Variants in AMACR observed in about 807,000 individuals in gnomAD.
The protein encoded by AMACR is 2-methylacyl-CoA racemase.
Under a neutral mutation model 22.2 loss-of-function variants are expected in AMACR, and 18 were observed. The ratio of observed to expected loss-of-function variants is 0.81; its 90% CI spans 0.56 to 1.20. AMACR has a LOEUF of 1.20. Ranked by LOEUF, AMACR falls within the 50% of genes most tolerant of loss-of-function variation. The probability of loss-of-function intolerance (pLI) is 0.00; values close to 1 mark genes in which losing one functional copy is unlikely to be tolerated. For missense variants in AMACR, 499 were observed against 490.6 expected (o/e 1.02, Z -0.16); for synonymous variants, 213 against 191.3 (o/e 1.11, Z -0.94).
intron 4 of AMACR, among the ~76,000 whole-genome samples, chr5:33,990,682 T>C (rs1440896491): frequency 6.6e-6 from 1 of 152,256 alleles, no homozygotes. Flanking sequence ...TGAATAATCC[T>C]CACTTATAGA....
chr5:33,989,174 T>G lies in AMACR; in HGVS notation c.1068A>C (p.Glu356Asp). 1 of 1,614,234 alleles carries G rather than the reference T, an allele frequency of 6.2e-7. No homozygotes were observed. The highest frequency in any genetic ancestry group is 1.1e-5 in the South Asian group (1 of 91,086). Residue 356 changes from glutamate (E) to aspartate (D), a missense_variant, in exon 5 of 5, where the codon GAA becomes GAC. By Grantham distance (45) the Glu-to-Asp change is conservative. Transcript: ENST00000335606. The part of the protein sequence containing the change: ...IGEHTEEILE[E>D]FGFSREEIYQ... ...AAATCTCTTCGCGGCTGAATCCAAATTCTTCAAGTATCTCCTCAGTGTGTT... is the reference window on the plus strand; with the variant it reads ...AAATCTCTTCGCGGCTGAATCCAAAGTCTTCAAGTATCTCCTCAGTGTGTT...
At chr5:33,997,240 T>C (rs1450582493) in intron 4 of AMACR, 2 of 770,094 alleles carry the variant, frequency 2.6e-6, no homozygotes, top group Non-Finnish European at 4.8e-6. Flanking sequence ...ATTAGCTTCT[T>C]GATCCTTTCT....
Position 33,988,935 on chromosome 5 carries a change from C to A in AMACR, c.*158G>T. 1 of 1,447,930 alleles carries A rather than the reference C, an allele frequency of 6.9e-7. No homozygotes were observed. The highest frequency in any genetic ancestry group is 9.0e-7 in the Non-Finnish European group (1 of 1,106,386). 89.7% of individuals were successfully genotyped at this position (1,447,930 alleles called of 1,614,324 possible). ...CCTAATGATAACCATTTTTAGAATT[C>A]AATCATCACTGTAGAATCAGAGTCT... On this transcript the variant is annotated 3_prime_UTR_variant, in exon 5 of 5. Transcript: ENST00000335606.
Position 33,989,189 on chromosome 5 carries a change from C to T in AMACR, c.1053G>A (p.Glu351=). 6 of 1,614,178 alleles carry T rather than the reference C, an allele frequency of 3.7e-6. No individual in the cohort carries two copies. The highest frequency in any genetic ancestry group is 5.1e-6 in the Non-Finnish European group (6 of 1,180,032). The change falls in exon 5 of 5, where the codon GAG becomes GAA. Residue 351 remains glutamate (E), a synonymous_variant. Coordinates refer to ENST00000335606, the MANE Select transcript of AMACR (RefSeq NM_014324.6). ...KRDPFIGEHT[E]EILEEFGFSR... Reference sequence around the variant, plus strand: ...TGAATCCAAATTCTTCAAGTATCTCCTCAGTGTGTTCTCCTATGAAAGGAT... The same window carrying T: ...TGAATCCAAATTCTTCAAGTATCTCTTCAGTGTGTTCTCCTATGAAAGGAT...
At position 33,988,732 on chromosome 5, in the gene AMACR, T is replaced by A; in HGVS notation, c.*361A>T. 1 of 1,200,560 alleles carries A rather than the reference T, an allele frequency of 8.3e-7. No individual in the cohort carries two copies. Among genetic ancestry groups the A allele is most frequent in the South Asian group, 2.2e-5 (1 of 45,074 alleles). The allele number at this position is 1,200,560 out of a possible 1,614,324, so 74.4% of individuals were successfully genotyped here. ...TTTCCTCATTTTCTACATTGTAGAA[T>A]CAAGAGTGTAAATAAATGTATATCG... On this transcript the variant is annotated 3_prime_UTR_variant, in exon 5 of 5. Transcript: ENST00000335606.
rs759253616 is a variant in AMACR at position 33,993,735 on chromosome 5, C to T, written c.740-4233G>A. 2.6e-5 allele frequency among the ~76,000 whole-genome samples: 4 copies of T among 152,166 alleles called. No individual in the cohort carries two copies. The South Asian group carries it at 6.2e-4, about 24-fold the overall frequency. ...TCAACATGGTGAAACTCCGTCTCTA[C>T]TAAAAATACAAAAATTAGCCGGGCG... On this transcript the variant is annotated intron_variant, in intron 4 of 4. Transcript: ENST00000335606.
intron 3 of AMACR, among the ~76,000 whole-genome samples, chr5:34,001,455 C>T (rs1186972673): frequency 1.3e-5 from 2 of 152,188 alleles, no homozygotes; most frequent in East Asian, 1.9e-4. Context: ...AGTTGAAGTA[C>T]GGCTGCTGTG....
At chr5:33,996,930 A>G in intron 4 of AMACR, 4 of 431,582 alleles carry the variant, frequency 9.3e-6, no homozygotes, top group South Asian at 5.2e-5. Flanking sequence ...AACAATAACA[A>G]GCCCAGGACT....
In AMACR at chr5:34,005,319, T is replaced by C. The variant is rs1342554658; in HGVS notation, c.391+437A>G. Among the ~76,000 whole-genome samples, 3 of 151,714 alleles carry C rather than the reference T, an allele frequency of 2.0e-5. No individual in the cohort carries two copies. The East Asian group carries it at 5.8e-4, about 29-fold the overall frequency. On this transcript the variant is annotated intron_variant, in intron 2 of 4. Coordinates refer to ENST00000335606, the MANE Select transcript of AMACR (RefSeq NM_014324.6). Reference sequence around the variant, plus strand: ...CCTGAAAACCATGGGCTTTTTTTAGTGCTCATAGAAGTCTGAAACAATGAC... The same window carrying C: ...CCTGAAAACCATGGGCTTTTTTTAGCGCTCATAGAAGTCTGAAACAATGAC...
chr5:33,997,722 T>C, intron 4 of AMACR: 3 of 585,116 alleles, frequency 5.1e-6, no homozygotes, highest in Non-Finnish European at 9.2e-6. Flanking sequence ...AACCATTGTG[T>C]TCTTCTATAG....
Position 34,005,917 on chromosome 5 carries a change from G to C in AMACR, c.248-18C>G, listed in dbSNP as rs534775074. The C allele has an allele frequency of 3.7e-6, 6 of 1,613,726 alleles. No homozygotes were observed. Among genetic ancestry groups the C allele is most frequent in the Admixed American group, 3.3e-5 (2 of 60,014 alleles). ...CATGACACCTTAAGAGAAAAGTAACGATCTTCTTAAGAGAGTATGAATTGA... is the reference window on the plus strand; with the variant it reads ...CATGACACCTTAAGAGAAAAGTAACCATCTTCTTAAGAGAGTATGAATTGA... On this transcript the variant is annotated intron_variant, in intron 1 of 4. Transcript: ENST00000335606.
rs1017693501 is a variant in AMACR at position 33,988,138 on chromosome 5, C to T, written c.*955G>A. On this transcript the variant is annotated 3_prime_UTR_variant, in exon 5 of 5. Coordinates refer to ENST00000335606, the MANE Select transcript of AMACR (RefSeq NM_014324.6). ...CACCCGGATTAGATTGTGGAATCTA[C>T]CCCTTCCTCACATGCCTTTAGGAAG... The T allele has an allele frequency of 8.4e-5, 49 of 582,612 alleles. No homozygotes were observed. Among genetic ancestry groups the T allele is most frequent in the Non-Finnish European group, 1.3e-4 (45 of 334,272 alleles). The allele number at this position is 582,612 out of a possible 1,614,324, so 36.1% of individuals were successfully genotyped here.
At position 34,007,816 on chromosome 5, in the gene AMACR, A is replaced by G. The variant is rs1057472198; in HGVS notation, c.204T>C (p.Arg68=). ...GCAGCACATCCGACCGCTTGCACAG[A>G]CGCCGCAGCACGGCGGCTCCCCGCG... ...KQPRGAAVLR[R]LCKRSDVLLE... Residue 68 remains arginine, a synonymous_variant, in exon 1 of 5, where the codon CGT becomes CGC. Coordinates refer to ENST00000335606, the MANE Select transcript of AMACR (RefSeq NM_014324.6). The G allele has an allele frequency of 5.1e-6, 8 of 1,575,888 alleles. No individual in the cohort carries two copies. Among genetic ancestry groups the G allele is most frequent in the Non-Finnish European group, 6.9e-6 (8 of 1,165,096 alleles).
At position 33,987,591 on chromosome 5, in the gene AMACR, T is replaced by A. The variant is rs1387545331; in HGVS notation, c.*1502A>T. 1 of 152,262 alleles carries A rather than the reference T, an allele frequency of 6.6e-6. No homozygotes were observed. Among genetic ancestry groups the A allele is most frequent in the Non-Finnish European group, 1.5e-5 (1 of 68,050 alleles). The allele number at this position is 152,262 out of a possible 1,614,324, so 9.4% of individuals were successfully genotyped here. On this transcript the variant is annotated 3_prime_UTR_variant, in exon 5 of 5. Coordinates refer to ENST00000335606, the MANE Select transcript of AMACR (RefSeq NM_014324.6). ...GATTGCACTATAATCCTTCTGATAA[T>A]TTCATATTTTTGTGAGACTGGGTTT...
Position 34,007,793 on chromosome 5 carries a change from A to G in AMACR, c.227T>C (p.Leu76Pro). The G allele has an allele frequency of 6.4e-7, 1 of 1,568,846 alleles. No homozygotes were observed. Among genetic ancestry groups the G allele is most frequent in the Non-Finnish European group, 8.6e-7 (1 of 1,162,628 alleles). The change falls in exon 1 of 5, where the codon CTG becomes CCG. Residue 76 changes from leucine (L) to proline (P), a missense_variant. By Grantham distance (98) the Leu-to-Pro change is moderately conservative. Transcript: ENST00000335606. ...CTCACCGCGGCGGAAGGGCTCCAGC[A>G]GCACATCCGACCGCTTGCACAGACG... ...LRRLCKRSDV[L>P]LEPFRRGVME...
intron 3 of AMACR, among the ~76,000 whole-genome samples, chr5:34,002,089 T>C (rs1753836416): frequency 6.6e-6 from 1 of 151,828 alleles, no homozygotes; most frequent in Non-Finnish European, 1.5e-5. Context: ...CTCTGCCTCC[T>C]GGGTTCAAGC....
intron 4 of AMACR, among the ~76,000 whole-genome samples, chr5:33,998,277 T>C (rs564250068): frequency 6.6e-6 from 1 of 152,234 alleles, no homozygotes; most frequent in East Asian, 1.9e-4. Context: ...TACCAAGAAA[T>C]AGGAGCTGGT....
At chr5:34,000,876 T>C (rs1753795142) in intron 3 of AMACR, among the ~76,000 whole-genome samples, 1 of 152,178 alleles carries the variant, frequency 6.6e-6, no homozygotes, top group Non-Finnish European at 1.5e-5. Flanking sequence ...ATAAAATGTT[T>C]TATGCTAATA....
intron 4 of AMACR, among the ~76,000 whole-genome samples, chr5:33,996,349 C>T (rs9918189): frequency 0.41 from 61,966 of 152,018 alleles, 14,435 homozygotes; most frequent in Non-Finnish European, 0.52. Context: ...GCAACGCACA[C>T]GTACACACGC....
Sources: gnomAD v4.1 joint callset for allele counts (sites outside exome capture counted in the v4.1 genomes callset) on GRCh38, gnomAD v4.1.1 for gene constraint, MANE v1.5 for transcripts, NCBI Gene and HGNC (gene_info 2026-07-23, HGNC 2026-07-21) for gene names.